The following FER1L6 variants were observed in gnomAD, a reference collection of about 807,000 sequenced individuals.
FER1L6 encodes fer-1 like family member 6.
A neutral mutation model predicts 219.2 loss-of-function variants in FER1L6; 177 were observed. That is an observed-to-expected ratio of 0.81 (90% CI 0.71 to 0.91). FER1L6 has a LOEUF of 0.91. Ranked by LOEUF, FER1L6 falls within the 40% of genes least tolerant of loss-of-function variation. The pLI is 0.00. For synonymous variants in FER1L6, 768 were observed against 824.3 expected (o/e 0.93, Z 1.17); for missense variants, 2,153 against 2,259.9 (o/e 0.95, Z 0.96).
intron 17 of FER1L6, 85 bp from the exon 18 acceptor site, chr8:124,023,359 T>C (rs878979529): frequency 7.5e-7 from 1 of 1,330,020 alleles, no homozygotes; most frequent in East Asian, 2.3e-5. Context: ...TATTTCAGGA[T>C]AGCAGAACTC....
chr8:123,881,324 G>A (rs1218743461), intron 1 of FER1L6, among the ~76,000 whole-genome samples: 1 of 152,142 alleles, frequency 6.6e-6, no homozygotes, highest in Non-Finnish European at 1.5e-5. Context: ...TGGGGTGCTA[G>A]GGAGTTGGGA....
intron 1 of FER1L6, among the ~76,000 whole-genome samples, chr8:123,907,251 T>TA (rs1165561572): frequency 6.6e-6 from 1 of 152,142 alleles, no homozygotes; most frequent in Non-Finnish European, 1.5e-5. Context: ...GGAGGAATGT[T>TA]ATTGTGTACA....
chr8:123,870,651 A>G (rs955729008), intron 1 of FER1L6, among the ~76,000 whole-genome samples: 1 of 152,202 alleles, frequency 6.6e-6, no homozygotes, highest in Non-Finnish European at 1.5e-5. Flanking sequence ...AGGGCTTGGG[A>G]GGCAGTATGG....
At chr8:124,039,227 G>A (rs1749487438) in intron 19 of FER1L6, among the ~76,000 whole-genome samples, 1 of 152,132 alleles carries the variant, frequency 6.6e-6, no homozygotes, top group Non-Finnish European at 1.5e-5. Context: ...CCAGGGGCAG[G>A]GACTGTCTTG....
chr8:123,894,825 G>A (rs913904118), intron 1 of FER1L6, among the ~76,000 whole-genome samples: 5 of 152,136 alleles, frequency 3.3e-5, no homozygotes, highest in Non-Finnish European at 5.9e-5. Flanking sequence ...ACTGACTAAG[G>A]TGGGCACAAT....
chr8:123,954,566 A>G (rs1172895223), intron 1 of FER1L6, among the ~76,000 whole-genome samples: 1 of 152,228 alleles, frequency 6.6e-6, no homozygotes, highest in Non-Finnish European at 1.5e-5. Flanking sequence ...GACAATAAGA[A>G]TAATTAAGGT....
At chr8:124,065,656 C>A (rs1820798493) in intron 26 of FER1L6, among the ~76,000 whole-genome samples, 1 of 152,182 alleles carries the variant, frequency 6.6e-6, no homozygotes, top group African/African-American at 2.4e-5. Flanking sequence ...TCAGATTAAT[C>A]ATAAAATTGT....
At chr8:123,943,512 G>T (rs930176044) in intron 1 of FER1L6, among the ~76,000 whole-genome samples, 3 of 152,156 alleles carry the variant, frequency 2.0e-5, no homozygotes, top group Non-Finnish European at 4.4e-5. Flanking sequence ...GGACATTCCT[G>T]GGAGGTAGCC....
intron 11 of FER1L6, among the ~76,000 whole-genome samples, chr8:123,983,743 A>C (rs1273641503): frequency 3.3e-5 from 5 of 152,148 alleles, no homozygotes; most frequent in Admixed American, 2.0e-4. Flanking sequence ...TTGCTTCTCA[A>C]CCTCTTATTA....
At chr8:124,087,811 A>G (rs1281376953) in intron 33 of FER1L6, among the ~76,000 whole-genome samples, 1 of 152,232 alleles carries the variant, frequency 6.6e-6, no homozygotes, top group Non-Finnish European at 1.5e-5. Context: ...CACTAAGCAC[A>G]GTAATACTGT....
chr8:123,924,233 C>CAAAAAAAAAAAAAAAAAAAAAA (rs71289625), intron 1 of FER1L6, among the ~76,000 whole-genome samples: 1 of 66,960 alleles, frequency 1.5e-5, no homozygotes, highest in Non-Finnish European at 3.0e-5. Flanking sequence ...GACTCAGTAT[C>CAAAAAAAAAAAAAAAAAAAAAA]AAAAAAAAAA....
chr8:123,945,038 A>G (rs1814426787), intron 1 of FER1L6, among the ~76,000 whole-genome samples: 1 of 152,212 alleles, frequency 6.6e-6, no homozygotes, highest in Non-Finnish European at 1.5e-5. Context: ...ATTGGGGATC[A>G]ATGAAGCTTT....
intron 1 of FER1L6, among the ~76,000 whole-genome samples, chr8:123,906,548 C>T (rs560590573): frequency 6.6e-5 from 10 of 152,132 alleles, no homozygotes; most frequent in Non-Finnish European, 1.2e-4. Flanking sequence ...ACCTGTAATC[C>T]CAGCACTTTG....
chr8:124,094,589 G>T (rs1447663220), intron 34 of FER1L6, among the ~76,000 whole-genome samples: 1 of 151,934 alleles, frequency 6.6e-6, no homozygotes, highest in Non-Finnish European at 1.5e-5. Context: ...AGGTTCAAGC[G>T]ATTCTCCTGC....
rs1820601034 is a variant in FER1L6 at position 124,061,904 on chromosome 8, A to T, written c.3200A>T (p.Asp1067Val). The change falls in exon 25 of 41, where the codon GAC becomes GTC. Residue 1067 changes from aspartate (D) to valine (V), a missense_variant. Physicochemically the swap from Asp to Val is radical, Grantham distance 152. Transcript: ENST00000522917. The part of the protein sequence containing the change: ...LHPPLSICVV[D>V]WRAFGRSTLV... ...CCGCCACTGAGCATCTGCGTGGTGG[A>T]CTGGAGAGCTTTTGGGAGGAGTACC... is the stretch of plus-strand genomic sequence containing the variant. 6 of 1,614,156 alleles carry T rather than the reference A, an allele frequency of 3.7e-6. No individual in the cohort carries two copies. The highest frequency in any genetic ancestry group is 5.1e-6 in the Non-Finnish European group (6 of 1,180,024).
At chr8:124,100,276 T>C (rs760293126) in intron 37 of FER1L6, among the ~76,000 whole-genome samples, 5 of 152,234 alleles carry the variant, frequency 3.3e-5, no homozygotes, top group Non-Finnish European at 7.3e-5. Context: ...AATGTACTAA[T>C]TGTAACTTAC....
At position 124,049,823 on chromosome 8, in the gene FER1L6, A is replaced by T. The variant is rs1239731855; in HGVS notation, c.2874+67A>T. The T allele has an allele frequency of 4.0e-6, 6 of 1,495,780 alleles. No individual in the cohort carries two copies. The East Asian group carries it at 1.4e-4, about 34-fold the overall frequency. The allele number at this position is 1,495,780 out of a possible 1,614,324, so 92.7% of individuals were successfully genotyped here. On this transcript the variant is annotated intron_variant, in intron 22 of 40. Coordinates refer to ENST00000522917, the MANE Select transcript of FER1L6 (RefSeq NM_001039112.2). ...TGGCCAGAGAAGTGGCCTCACCACA[A>T]ATGCCACTTCAATGAAGCTGTGCCT... is the stretch of plus-strand genomic sequence containing the variant.
intron 18 of FER1L6, among the ~76,000 whole-genome samples, chr8:124,032,157 G>C (rs145082378): frequency 2.0e-5 from 3 of 152,210 alleles, no homozygotes; most frequent in Non-Finnish European, 4.4e-5. Flanking sequence ...TGGCATGGTG[G>C]CTCATGCCTA....
chr8:123,908,889 C>T (rs375200332), intron 1 of FER1L6, among the ~76,000 whole-genome samples: 11 of 152,092 alleles, frequency 7.2e-5, no homozygotes, highest in Admixed American at 2.0e-4. Context: ...ATGGTAAGAA[C>T]GTAAGGCAAA....
Sources: allele counts gnomAD v4.1 joint callset (sites outside exome capture counted in the v4.1 genomes callset), GRCh38; gene constraint gnomAD v4.1.1; transcripts MANE v1.5; gene names NCBI Gene and HGNC (gene_info 2026-07-23, HGNC 2026-07-21).